TMEM209: variants seen among roughly 807,000 people sequenced by gnomAD.
TMEM209 encodes transmembrane protein 209, also known as testicular tissue protein Li 202.
TMEM209 carries 65 observed loss-of-function variants against 76.2 expected under a neutral mutation model. That is an observed-to-expected ratio of 0.85 (90% CI 0.70 to 1.05). The LOEUF (loss-of-function observed/expected upper bound fraction) is 1.05. Ranked by LOEUF, TMEM209 falls within the 50% of genes least tolerant of loss-of-function variation. TMEM209 has a pLI of 0.00. For synonymous variants in TMEM209, 239 were observed against 237.6 expected, an observed-to-expected ratio of 1.01 and a Z score of -0.06; for missense variants, 623 against 685.5, an observed-to-expected ratio of 0.91 and a Z score of 1.02.
At chr7:130,176,011 C>T (rs922111274) in intron 10 of TMEM209, among the ~76,000 whole-genome samples, 1 of 148,254 alleles carries the variant, frequency 6.7e-6, no homozygotes, top group African/African-American at 2.5e-5. Flanking sequence ...AATGGCACAA[C>T]AAGAAAAAAA....
At chr7:130,177,816 C>G (rs1464171417) in intron 10 of TMEM209, among the ~76,000 whole-genome samples, 1 of 152,092 alleles carries the variant, frequency 6.6e-6, no homozygotes, top group African/African-American at 2.4e-5. Flanking sequence ...GAATCCTGCT[C>G]TAACCTTAGG....
intron 5 of TMEM209, among the ~76,000 whole-genome samples, chr7:130,194,180 CAG>C (rs1797892687): frequency 6.9e-6 from 1 of 145,804 alleles, no homozygotes; most frequent in Non-Finnish European, 1.5e-5. Context: ...GCCTGGGTGA[CAG>C]AGCGAGACTC....
At chr7:130,193,546 A>G (rs1176043342) in intron 5 of TMEM209, among the ~76,000 whole-genome samples, 3 of 150,550 alleles carry the variant, frequency 2.0e-5, no homozygotes, top group African/African-American at 7.3e-5. Flanking sequence ...TCTCAAAAGA[A>G]AAAAAAAAAA....
At chr7:130,201,780 C>A in intron 5 of TMEM209, 70 bp downstream of exon 5, 1 of 1,577,440 alleles carries the variant, frequency 6.3e-7, no homozygotes. Flanking sequence ...AGTTTTGACT[C>A]ATTAGATGAT....
At chr7:130,199,089 T>C (rs910209949) in intron 5 of TMEM209, among the ~76,000 whole-genome samples, 6 of 152,232 alleles carry the variant, frequency 3.9e-5, no homozygotes, top group Non-Finnish European at 5.9e-5. Flanking sequence ...TAACTATTAT[T>C]TTATTATTTC....
In TMEM209 at chr7:130,205,026, T is replaced by C. The variant is rs576999810; in HGVS notation, c.3+347A>G. 2.7e-5 allele frequency: 33 copies of C among 1,245,070 alleles called. No individual in the cohort carries two copies. In the South Asian group the frequency reaches 6.5e-4, roughly 25 times the overall value. The allele number at this position is 1,245,070 out of a possible 1,614,324, so 77.1% of individuals were successfully genotyped here. On this transcript the variant is annotated intron_variant, in intron 1 of 14. Coordinates refer to ENST00000397622, the MANE Select transcript of TMEM209 (RefSeq NM_032842.4). Reference sequence around the variant, plus strand: ...GAGGGGAAAACGTGCATTGTTTTGGTCCACATTTGGGATTTATAATTCCTC... The same window carrying C: ...GAGGGGAAAACGTGCATTGTTTTGGCCCACATTTGGGATTTATAATTCCTC...
chr7:130,199,472 G>A (rs1044447893), intron 5 of TMEM209, among the ~76,000 whole-genome samples: 6 of 151,976 alleles, frequency 3.9e-5, no homozygotes, highest in Admixed American at 1.3e-4. Flanking sequence ...CGCCTGCCTC[G>A]GCCTCCCAAA....
At chr7:130,204,916 C>T (rs1798381915) in intron 1 of TMEM209, 2 of 1,048,420 alleles carry the variant, frequency 1.9e-6, no homozygotes, top group Non-Finnish European at 2.3e-6. Context: ...AGGGCTCTCC[C>T]TTTTGTGTGT....
intron 8 of TMEM209, chr7:130,181,950 T>C (rs1235157917): frequency 8.4e-6 from 3 of 357,502 alleles, no homozygotes; most frequent in Non-Finnish European, 1.6e-5. Context: ...CATTCCTTTT[T>C]TTTTTTCGAG....
intron 10 of TMEM209, among the ~76,000 whole-genome samples, chr7:130,177,862 A>G (rs958878300): frequency 1.3e-5 from 2 of 152,212 alleles, no homozygotes; most frequent in African/African-American, 4.8e-5. Flanking sequence ...TCAAATTAAG[A>G]TTTATGATCA....
At position 130,166,409 on chromosome 7, in the gene TMEM209, TC is replaced by T; in HGVS notation, c.*41del. Reference sequence around the variant, plus strand: ...GAGATGTTTAGTTTCGACTTCTGGTTCAGTGAAATAGTCTAAATGTCAGAAT... The same window carrying T: ...GAGATGTTTAGTTTCGACTTCTGGTTAGTGAAATAGTCTAAATGTCAGAAT... On this transcript the variant is annotated 3_prime_UTR_variant, in exon 15 of 15. Transcript: ENST00000397622. The T allele has an allele frequency of 1.3e-6, 2 of 1,496,492 alleles. No individual in the cohort carries two copies. Among genetic ancestry groups the T allele is most frequent in the Non-Finnish European group, 1.8e-6 (2 of 1,113,640 alleles). The allele number at this position is 1,496,492 out of a possible 1,614,324, so 92.7% of individuals were successfully genotyped here.
intron 13 of TMEM209, among the ~76,000 whole-genome samples, chr7:130,172,580 G>A (rs751437011): frequency 1.8e-4 from 27 of 151,978 alleles, no homozygotes; most frequent in Admixed American, 7.9e-4. Context: ...TCCTGACTTC[G>A]TGATCTGCCT....
chr7:130,200,224 A>C (rs1055036966), intron 5 of TMEM209, among the ~76,000 whole-genome samples: 3 of 152,158 alleles, frequency 2.0e-5, no homozygotes, highest in Non-Finnish European at 2.9e-5. Context: ...CAGACCCAAA[A>C]GACAAGCGAG....
intron 9 of TMEM209, among the ~76,000 whole-genome samples, chr7:130,180,242 T>C (rs948946404): frequency 1.3e-5 from 2 of 152,206 alleles, no homozygotes; most frequent in African/African-American, 4.8e-5. Flanking sequence ...CTTTATGCTT[T>C]ATACAACTTT....
At chr7:130,186,292 G>A (rs1027295372) in intron 6 of TMEM209, among the ~76,000 whole-genome samples, 2 of 152,048 alleles carry the variant, frequency 1.3e-5, no homozygotes, top group Admixed American at 6.6e-5. Flanking sequence ...TTATGCTTAC[G>A]GGTACAAAGA....
intron 14 of TMEM209, among the ~76,000 whole-genome samples, chr7:130,166,933 A>T (rs565023744): frequency 6.6e-6 from 1 of 152,300 alleles, no homozygotes; most frequent in African/African-American, 2.4e-5. Flanking sequence ...TCATATGTGT[A>T]TTAGTAATAC....
intron 5 of TMEM209, among the ~76,000 whole-genome samples, chr7:130,199,241 C>G (rs1269223097): frequency 6.6e-6 from 1 of 150,590 alleles, no homozygotes; most frequent in Non-Finnish European, 1.5e-5. Context: ...TTTTTTGAGA[C>G]AGAGTCTTGC....
chr7:130,172,565 C>T (rs563230712), intron 13 of TMEM209, among the ~76,000 whole-genome samples: 4 of 152,004 alleles, frequency 2.6e-5, no homozygotes, highest in East Asian at 1.9e-4. Context: ...AGGATGGTCT[C>T]GATCTCCTGA....
chr7:130,170,102 TA>T (rs575281140), intron 14 of TMEM209, among the ~76,000 whole-genome samples: 6 of 150,520 alleles, frequency 4.0e-5, no homozygotes, highest in South Asian at 2.1e-4. Flanking sequence ...CTCCAGATTT[TA>T]AAAAAAAAAT....
Sources: allele counts gnomAD v4.1 joint callset (sites outside exome capture counted in the v4.1 genomes callset), GRCh38; gene constraint gnomAD v4.1.1; transcripts MANE v1.5; gene names NCBI Gene and HGNC (gene_info 2026-07-23, HGNC 2026-07-21).